NRG1: variants seen among roughly 807,000 people sequenced by gnomAD.
NRG1 encodes neuregulin 1.
Under a neutral mutation model 63.8 loss-of-function variants are expected in NRG1, and 18 were observed. The observed-to-expected ratio is 0.28, with a 90% CI of 0.19 to 0.42. NRG1 has a LOEUF of 0.42. Ranked by LOEUF, NRG1 falls within the 10% of genes least tolerant of loss-of-function variation. The pLI is 1.00. For synonymous variants in NRG1, 302 were observed against 301.3 expected, an observed-to-expected ratio of 1.00 and a Z score of -0.02; for missense variants, 762 against 814.7, an observed-to-expected ratio of 0.94 and a Z score of 0.79.
intron 1 of NRG1, among the ~76,000 whole-genome samples, chr8:32,405,882 G>A (rs2129485013): frequency 6.6e-6 from 1 of 152,256 alleles, no homozygotes; most frequent in East Asian, 1.9e-4. Flanking sequence ...TGATTTTTGT[G>A]AGACTCTGTG....
intron 1 of NRG1, among the ~76,000 whole-genome samples, chr8:32,184,941 C>A (rs954422239): frequency 6.6e-6 from 1 of 152,068 alleles, no homozygotes; most frequent in Non-Finnish European, 1.5e-5. Context: ...TCAAGGGAAG[C>A]CATGAGTGGT....
intron 1 of NRG1, among the ~76,000 whole-genome samples, chr8:32,293,719 T>C (rs1854489416): frequency 1.2e-5 from 1 of 82,890 alleles, no homozygotes; most frequent in Admixed American, 1.0e-4. Context: ...TTTCTTCTTC[T>C]TTTTTTTTTT....
rs368438699 is a variant in NRG1 at position 31,917,527 on chromosome 8, G to A, written c.37+278096G>A. The stretch of plus-strand genomic sequence containing the variant: ...GATCAGATAGTTGTAGATATGCGGC[G>A]TTATTTCTGAGGGCTCTGTTCTGTT... On this transcript the variant is annotated intron_variant, in intron 1 of 10. Coordinates refer to the NRG1 transcript ENST00000519301. Among the ~76,000 whole-genome samples, 178 of 151,408 alleles carry A rather than the reference G, an allele frequency of 1.2e-3. 4 individuals carry two copies. In the East Asian group the frequency reaches 0.026, roughly 22 times the overall value.
intron 5 of NRG1, among the ~76,000 whole-genome samples, chr8:32,669,766 A>T (rs1307938676): frequency 1.3e-5 from 2 of 152,198 alleles, no homozygotes. Context: ...CTGATGGTAT[A>T]TGCTAAAACA....
intron 1 of NRG1, among the ~76,000 whole-genome samples, chr8:31,915,600 C>G (rs1833314934): frequency 6.6e-6 from 1 of 152,138 alleles, no homozygotes; most frequent in African/African-American, 2.4e-5. Context: ...ATTTCCCAAT[C>G]TTACACCTGC....
At chr8:31,923,691 C>CT (rs201461319) in intron 1 of NRG1, among the ~76,000 whole-genome samples, 2,008 of 150,748 alleles carry the variant, frequency 0.013, 36 homozygotes, top group African/African-American at 0.046. Context: ...TACAGTTTTT[C>CT]TTTTTTTTTA....
chr8:32,554,226 C>G lies in NRG1; in HGVS notation c.100+5400C>G, dbSNP rs564888307. Among the ~76,000 whole-genome samples, 11 of 152,166 alleles carry G rather than the reference C, an allele frequency of 7.2e-5. No individual in the cohort carries two copies. In the South Asian group the frequency reaches 1.9e-3, roughly 26 times the overall value. ...AAAAAATATGCCACTAAGGTACATA[C>G]AATGAAGTTTTCTTGAAGGAACTAA... On this transcript the variant is annotated intron_variant, in intron 1 of 11. Transcript: ENST00000356819.
chr8:32,242,131 T>G (rs1254411433), intron 1 of NRG1, among the ~76,000 whole-genome samples: 2 of 152,094 alleles, frequency 1.3e-5, no homozygotes. Flanking sequence ...TTTCCCCATA[T>G]GTAAAAAGAA....
intron 1 of NRG1, among the ~76,000 whole-genome samples, chr8:32,498,053 C>T (rs1827421075): frequency 6.6e-6 from 1 of 152,164 alleles, no homozygotes; most frequent in African/African-American, 2.4e-5. Flanking sequence ...GAACTCCTGA[C>T]CTCAGGTCAT....
chr8:31,743,634 A>G (rs893024510), intron 1 of NRG1, among the ~76,000 whole-genome samples: 5 of 151,834 alleles, frequency 3.3e-5, no homozygotes, highest in Admixed American at 2.6e-4. Context: ...TTATTACTTG[A>G]CACCTACTTT....
intron 1 of NRG1, among the ~76,000 whole-genome samples, chr8:32,146,142 T>C (rs916799424): frequency 1.3e-5 from 2 of 152,184 alleles, no homozygotes; most frequent in African/African-American, 4.8e-5. Context: ...AGAACCAGAA[T>C]GTTTTTTACC....
intron 7 of NRG1, among the ~76,000 whole-genome samples, chr8:32,750,493 G>T (rs1369245686): frequency 6.6e-6 from 1 of 151,994 alleles, no homozygotes; most frequent in African/African-American, 2.4e-5. Flanking sequence ...ACCATGGTTG[G>T]GTCAGTGACA....
chr8:31,986,213 G>C (rs1810039517), intron 1 of NRG1, among the ~76,000 whole-genome samples: 1 of 152,020 alleles, frequency 6.6e-6, no homozygotes, highest in African/African-American at 2.4e-5. Context: ...TCTCAGATAA[G>C]TTGTAAGGGG....
chr8:32,390,309 A>T (rs1811560538), intron 1 of NRG1, among the ~76,000 whole-genome samples: 1 of 151,948 alleles, frequency 6.6e-6, no homozygotes, highest in Admixed American at 6.6e-5. Flanking sequence ...CCTGTTCTAG[A>T]CCTGGTGGCT....
chr8:31,819,986 A>G (rs927328880), intron 1 of NRG1, among the ~76,000 whole-genome samples: 1 of 152,150 alleles, frequency 6.6e-6, no homozygotes, highest in Non-Finnish European at 1.5e-5. Flanking sequence ...TCTCCACAAT[A>G]TGTCCAATAA....
Position 32,742,139 on chromosome 8 carries a change from G to A in NRG1, c.633-536G>A. 7.7e-7 allele frequency: 1 copy of A among 1,302,886 alleles called. No homozygotes were observed. The highest frequency in any genetic ancestry group is 1.1e-6 in the Non-Finnish European group (1 of 898,152). 80.7% of individuals were successfully genotyped at this position (1,302,886 alleles called of 1,614,324 possible). On this transcript the variant is annotated intron_variant, in intron 6 of 11. Coordinates refer to ENST00000356819, the Ensembl canonical transcript of NRG1. The surrounding 1 kb of genome is among the most constrained non-coding windows in gnomAD (Gnocchi z 4.2). Reference sequence around the variant, plus strand: ...CTACAGCAACAATCACTACCACTTGGTGCTTTTACAGCTCAGTCGTAACTG... The same window carrying A: ...CTACAGCAACAATCACTACCACTTGATGCTTTTACAGCTCAGTCGTAACTG...
At chr8:31,955,743 A>G (rs1804254216) in intron 1 of NRG1, among the ~76,000 whole-genome samples, 2 of 152,048 alleles carry the variant, frequency 1.3e-5, no homozygotes, top group Admixed American at 6.6e-5. Flanking sequence ...TTTAAATTTA[A>G]AAGTTCCACC....
intron 1 of NRG1, among the ~76,000 whole-genome samples, chr8:32,140,506 A>G (rs1300900509): frequency 6.7e-6 from 1 of 149,726 alleles, no homozygotes; most frequent in Non-Finnish European, 1.5e-5. Context: ...TCTGTTGCCC[A>G]TCCTGGAGTG....
intron 1 of NRG1, among the ~76,000 whole-genome samples, chr8:31,756,293 C>T (rs1265015574): frequency 6.6e-6 from 1 of 152,026 alleles, no homozygotes; most frequent in Non-Finnish European, 1.5e-5. Flanking sequence ...TGTTATTTAC[C>T]CATCTCTGTG....
Sources: allele counts gnomAD v4.1 joint callset (sites outside exome capture counted in the v4.1 genomes callset), GRCh38; gene constraint gnomAD v4.1.1; non-coding constraint Gnocchi (gnomAD v3.1); transcripts MANE v1.5; gene names NCBI Gene and HGNC (gene_info 2026-07-23, HGNC 2026-07-21).